Variants in MTM1 observed in about 807,000 individuals in gnomAD.
The protein encoded by MTM1 is myotubularin.
A neutral mutation model predicts 52.1 loss-of-function variants in MTM1; 9 were observed. The ratio of observed to expected loss-of-function variants is 0.17; its 90% CI spans 0.10 to 0.30. The LOEUF is 0.30. MTM1 is among the 10% of genes least tolerant of loss of function. The pLI is 1.00. For synonymous variants in MTM1, 136 were observed against 163.8 expected, an observed-to-expected ratio of 0.83 and a Z score of 1.29; for missense variants, 277 against 470.7, an observed-to-expected ratio of 0.59 and a Z score of 3.81.
chrX:150,581,369 A>G (rs1557411881), intron 1 of MTM1, among the ~76,000 whole-genome samples: 1 of 111,971 alleles, frequency 8.9e-6, no homozygotes, highest in African/African-American at 3.2e-5. Context: ...CTTTTTAACA[A>G]ATGCCTCATT....
intron 1 of MTM1, among the ~76,000 whole-genome samples, chrX:150,583,926 ATT>A (rs2038728459): frequency 2.3e-5 from 1 of 43,575 alleles, no homozygotes; most frequent in African/African-American, 6.7e-5. Context: ...TAAAATATAT[ATT>A]AAATTAAAAT....
At chrX:150,659,171 T>C (rs1192265241) in intron 11 of MTM1, among the ~76,000 whole-genome samples, 1 of 112,701 alleles carries the variant, frequency 8.9e-6, no homozygotes, top group Non-Finnish European at 1.9e-5. Flanking sequence ...AATCATTGTT[T>C]AGTAAATGAA....
At chrX:150,601,163 A>G (rs1333265399) in intron 4 of MTM1, among the ~76,000 whole-genome samples, 1 of 111,541 alleles carries the variant, frequency 9.0e-6, no homozygotes, top group Non-Finnish European at 1.9e-5. Context: ...GCCCTAGAGG[A>G]TGGAGTTAGT....
At chrX:150,653,427 C>T (rs189495801) in intron 10 of MTM1, among the ~76,000 whole-genome samples, 5 of 112,022 alleles carry the variant, frequency 4.5e-5, no homozygotes, top group Admixed American at 1.9e-4. Context: ...CTGGATAATC[C>T]GGAATAATCT....
intron 9 of MTM1, among the ~76,000 whole-genome samples, chrX:150,647,194 A>AATATATATATATATAT (rs59931479): frequency 0.019 from 1,561 of 83,426 alleles, 33 homozygotes; most frequent in African/African-American, 0.03. Context: ...TTTCAGGGTG[A>AATATATATATATATAT]ATATATATAT....
chrX:150,586,097 G>A (rs2038782283), intron 1 of MTM1, among the ~76,000 whole-genome samples: 1 of 112,275 alleles, frequency 8.9e-6, no homozygotes, highest in Admixed American at 9.5e-5. Context: ...ATATCATCAT[G>A]TTTAAAATGA....
intron 1 of MTM1, 39 bp from the exon 2 acceptor site, chrX:150,592,566 A>G (rs367627456): frequency 2.9e-6 from 3 of 1,035,866 alleles, no homozygotes; most frequent in East Asian, 3.0e-5. Context: ...GAAATTGCAT[A>G]CAAATTCAGT....
intron 4 of MTM1, among the ~76,000 whole-genome samples, chrX:150,604,629 A>C (rs1299699728): frequency 9.0e-6 from 1 of 110,598 alleles, no homozygotes; most frequent in African/African-American, 3.3e-5. Context: ...TGTAGACTTC[A>C]TCACATTTGC....
At chrX:150,623,995 A>G (rs1474355307) in intron 6 of MTM1, among the ~76,000 whole-genome samples, 1 of 111,529 alleles carries the variant, frequency 9.0e-6, no homozygotes, top group Non-Finnish European at 1.9e-5. Flanking sequence ...GACTCCGGCC[A>G]GGTCATGAAT....
intron 9 of MTM1, 74 bp downstream of exon 9, chrX:150,645,945 C>A: frequency 1.0e-6 from 1 of 994,988 alleles, no homozygotes; most frequent in Non-Finnish European, 1.4e-6. Flanking sequence ...ATGTTTTTGC[C>A]ATGATATAGA....
intron 7 of MTM1, 143 bp from the exon 8 acceptor site, chrX:150,641,126 C>G: frequency 1.7e-6 from 1 of 584,142 alleles, no homozygotes; most frequent in Admixed American, 3.3e-5. Context: ...ATTTGGCACC[C>G]TTATTATAAA....
intron 1 of MTM1, among the ~76,000 whole-genome samples, chrX:150,573,225 A>G (rs944222876): frequency 1.4e-4 from 16 of 112,531 alleles, no homozygotes; most frequent in African/African-American, 5.2e-4. Context: ...AATGGAGCTC[A>G]TGCTTAACCT....
chrX:150,653,549 C>T (rs1557414292), intron 10 of MTM1, among the ~76,000 whole-genome samples: 1 of 112,464 alleles, frequency 8.9e-6, no homozygotes, highest in East Asian at 2.8e-4. Context: ...GACCATTATT[C>T]AGCCTTCTAT....
At chrX:150,577,350 G>A (rs2038490668) in intron 1 of MTM1, among the ~76,000 whole-genome samples, 2 of 112,313 alleles carry the variant, frequency 1.8e-5, no homozygotes, top group South Asian at 7.3e-4. Context: ...TGGGCCATAT[G>A]TTTAGTGTAT....
At chrX:150,652,940 C>A (rs1261416806) in intron 10 of MTM1, among the ~76,000 whole-genome samples, 1 of 109,910 alleles carries the variant, frequency 9.1e-6, no homozygotes, top group Admixed American at 9.8e-5. Context: ...GCTCAGATGT[C>A]TGAGGAAGTT....
At chrX:150,636,140 CT>C (rs781828959) in intron 6 of MTM1, among the ~76,000 whole-genome samples, 1 of 111,347 alleles carries the variant, frequency 9.0e-6, no homozygotes, top group Non-Finnish European at 1.9e-5. Flanking sequence ...TTGACTCATT[CT>C]GGATATTAGT....
chrX:150,564,573 G>A (rs1313298669), upstream of MTM1, among the ~76,000 whole-genome samples: 1 of 110,762 alleles, frequency 9.0e-6, no homozygotes, highest in African/African-American at 3.3e-5. Context: ...AGTAGAGACG[G>A]GGTTTCACCA....
rs1389294822 is a variant in MTM1 at position 150,583,912 on chromosome X, A to AT, written c.-10-8693_-10-8692insT. Among the ~76,000 whole-genome samples, 323 of 37,530 alleles carry AT rather than the reference A, an allele frequency of 8.6e-3. 18 individuals are homozygous for AT. The highest frequency in any genetic ancestry group is 0.021 in the African/African-American group (245 of 11,603). The allele number at this position is 37,530 out of a possible 115,157, so 32.6% of individuals were successfully genotyped here. A position where few individuals can be genotyped will look rare whatever the true frequency, so the allele number is the denominator to read the frequency against. ...ATATATATTTGATATATATATATAT[A>AT]ATATAAAATATATATTAAATTAAAA... On this transcript the variant is annotated intron_variant, in intron 1 of 14. Coordinates refer to ENST00000370396, the MANE Select transcript of MTM1 (RefSeq NM_000252.3).
At chrX:150,596,218 G>A (rs2038972654) in intron 2 of MTM1, among the ~76,000 whole-genome samples, 1 of 111,768 alleles carries the variant, frequency 8.9e-6, no homozygotes, top group Non-Finnish European at 1.9e-5. Flanking sequence ...TCACTTTCCC[G>A]AAAGCTGTTA....
Sources: allele counts gnomAD v4.1 joint callset (sites outside exome capture counted in the v4.1 genomes callset), GRCh38; gene constraint gnomAD v4.1.1; transcripts MANE v1.5; gene names NCBI Gene and HGNC (gene_info 2026-07-23, HGNC 2026-07-21).